SPATS2: variants seen among roughly 807,000 people sequenced by gnomAD.
SPATS2 encodes spermatogenesis associated serine rich 2.
A neutral mutation model predicts 63.7 loss-of-function variants in SPATS2; 38 were observed. The ratio of observed to expected loss-of-function variants is 0.60; its 90% confidence interval spans 0.46 to 0.78. The LOEUF is 0.78. Ranked by LOEUF, SPATS2 falls within the 30% of genes least tolerant of loss-of-function variation. The pLI, the probability that SPATS2 is intolerant of heterozygous loss-of-function variation, is 0.00. For missense variants in SPATS2, 588 were observed against 666.2 expected (o/e 0.88, Z 1.29); for synonymous variants, 207 against 232.9 (o/e 0.89, Z 1.01).
chr12:49,497,255 TCTA>T (rs555250189), intron 8 of SPATS2, among the ~76,000 whole-genome samples: 17 of 152,206 alleles, frequency 1.1e-4, no homozygotes, highest in Non-Finnish European at 2.2e-4. Flanking sequence ...AAAGTCAAAC[TCTA>T]CTGCCAGAAT....
At position 49,455,063 on chromosome 12, in the gene SPATS2, G is replaced by GGTCT. The variant is rs1945695189; in HGVS notation, c.-243-5705_-243-5702dup. 2.0e-5 allele frequency among the ~76,000 whole-genome samples: 3 copies of GGTCT among 151,552 alleles called. No homozygotes were observed. The South Asian group carries it at 6.3e-4, about 32-fold the overall frequency. ...GTTGATACGATTTCATAAACTAAAGGGTCTGCTCAGTTTTTACCGTTTTTG... is the reference window on the plus strand; with the variant it reads ...GTTGATACGATTTCATAAACTAAAGGGTCTGTCTGCTCAGTTTTTACCGTTTTTG... On this transcript the variant is annotated intron_variant, in intron 2 of 13. Coordinates refer to ENST00000552918, the MANE Select transcript of SPATS2 (RefSeq NM_023071.4).
chr12:49,378,873 G>A lies in SPATS2; in HGVS notation c.-244+7583G>A, dbSNP rs186651519. On this transcript the variant is annotated intron_variant, in intron 2 of 13. Coordinates refer to ENST00000552918, the MANE Select transcript of SPATS2 (RefSeq NM_023071.4). ...GCCTCCCAAAGTGCTGGGATTATAG[G>A]CATGAGCCTCTGTGCCCATCAGATT... 7.8e-4 allele frequency among the ~76,000 whole-genome samples: 119 copies of A among 152,156 alleles called. 1 individual carries two copies. Among genetic ancestry groups the A allele is most frequent in the Admixed American group, 3.4e-3 (52 of 15,278 alleles).
intron 2 of SPATS2, among the ~76,000 whole-genome samples, chr12:49,432,153 T>C (rs565623315): frequency 6.6e-6 from 1 of 152,266 alleles, no homozygotes; most frequent in South Asian, 2.1e-4. Flanking sequence ...TTTGTCATCA[T>C]TTTGGATTTT....
chr12:49,491,903 T>C (rs1170100174), intron 6 of SPATS2, among the ~76,000 whole-genome samples: 2 of 152,252 alleles, frequency 1.3e-5, no homozygotes, highest in East Asian at 3.8e-4. Flanking sequence ...GTATGGATTT[T>C]AATCAAGTAT....
intron 2 of SPATS2, among the ~76,000 whole-genome samples, chr12:49,436,131 A>C (rs1352116414): frequency 6.6e-6 from 1 of 151,916 alleles, no homozygotes; most frequent in African/African-American, 2.4e-5. Flanking sequence ...CATTGTCATC[A>C]TGGCCCGTTC....
chr12:49,462,619 G>A (rs28450055), intron 3 of SPATS2: 82,224 of 594,934 alleles, frequency 0.14, 7,828 homozygotes, highest in African/African-American at 0.37. Context: ...GAGGTCACAC[G>A]AATGAATTGA....
intron 1 of SPATS2, among the ~76,000 whole-genome samples, chr12:49,368,457 C>G (rs1029415756): frequency 9.2e-5 from 14 of 152,126 alleles, no homozygotes; most frequent in Non-Finnish European, 1.8e-4. Flanking sequence ...TTGGAGAGAA[C>G]CAAAAGCTTG....
At chr12:49,516,149 AAAAAAAAAAAAAAAAAAATATAT>A (rs1946836365) in intron 10 of SPATS2, among the ~76,000 whole-genome samples, 2 of 33,514 alleles carry the variant, frequency 6.0e-5, no homozygotes, top group African/African-American at 1.6e-4. Context: ...AAAAAAAAAA[AAAAAAAAAAAAAAAAAAATATAT>A]ATATATATAT....
chr12:49,410,623 T>C (rs1272712972), intron 2 of SPATS2, among the ~76,000 whole-genome samples: 2 of 152,214 alleles, frequency 1.3e-5, no homozygotes, highest in African/African-American at 4.8e-5. Flanking sequence ...TGATAGACTG[T>C]AACTAGAGTG....
At chr12:49,436,567 C>T (rs1263452619) in intron 2 of SPATS2, among the ~76,000 whole-genome samples, 2 of 124,250 alleles carry the variant, frequency 1.6e-5, no homozygotes, top group African/African-American at 2.9e-5. Flanking sequence ...GCTGACCTCC[C>T]CACCTCCCTC....
chr12:49,505,642 A>C (rs1946643235), intron 9 of SPATS2, among the ~76,000 whole-genome samples: 1 of 152,176 alleles, frequency 6.6e-6, no homozygotes, highest in African/African-American at 2.4e-5. Context: ...TAACATATGA[A>C]GAATATTTTA....
chr12:49,479,895 A>G (rs1946177780), intron 3 of SPATS2, among the ~76,000 whole-genome samples: 1 of 152,246 alleles, frequency 6.6e-6, no homozygotes, highest in Non-Finnish European at 1.5e-5. Context: ...AATGTAAAGC[A>G]TAAAACCTGG....
intron 11 of SPATS2, among the ~76,000 whole-genome samples, chr12:49,522,472 T>C (rs1342414032): frequency 6.6e-6 from 1 of 152,222 alleles, no homozygotes; most frequent in Non-Finnish European, 1.5e-5. Context: ...CTACTATAAA[T>C]TCTTCCTCCT....
chr12:49,402,663 G>T (rs1944626815), intron 2 of SPATS2, among the ~76,000 whole-genome samples: 1 of 152,096 alleles, frequency 6.6e-6, no homozygotes, highest in Non-Finnish European at 1.5e-5. Context: ...AGTGAACCAG[G>T]AACTAAAGTC....
At chr12:49,519,883 C>T (rs1423788827) in intron 11 of SPATS2, among the ~76,000 whole-genome samples, 2 of 150,982 alleles carry the variant, frequency 1.3e-5, no homozygotes. Flanking sequence ...CGTGCCATCT[C>T]GGTTCACTGC....
intron 2 of SPATS2, among the ~76,000 whole-genome samples, chr12:49,407,130 A>G (rs1356571956): frequency 6.6e-6 from 1 of 152,228 alleles, no homozygotes; most frequent in African/African-American, 2.4e-5. Context: ...ATCTTGTTTT[A>G]CTTTGAGAAT....
intron 2 of SPATS2, chr12:49,406,615 T>C (rs1944701881): frequency 6.6e-6 from 1 of 152,298 alleles, no homozygotes; most frequent in Non-Finnish European, 1.5e-5. Flanking sequence ...TTATGCTTTC[T>C]TTTCTGTTTA....
At chr12:49,462,105 G>GT (rs1212410884) in intron 3 of SPATS2, among the ~76,000 whole-genome samples, 1 of 152,120 alleles carries the variant, frequency 6.6e-6, no homozygotes, top group Non-Finnish European at 1.5e-5. Flanking sequence ...CAAAAAAAAA[G>GT]TTAACTTCAG....
At chr12:49,406,822 G>GTTTC (rs1300188596) in intron 2 of SPATS2, among the ~76,000 whole-genome samples, 1 of 151,982 alleles carries the variant, frequency 6.6e-6, no homozygotes, top group Non-Finnish European at 1.5e-5. Flanking sequence ...TGTGAATGAA[G>GTTTC]TGAAAGTGAG....
Sources: gnomAD v4.1 joint callset for allele counts (sites outside exome capture counted in the v4.1 genomes callset) on GRCh38, gnomAD v4.1.1 for gene constraint, MANE v1.5 for transcripts, NCBI Gene and HGNC (gene_info 2026-07-23, HGNC 2026-07-21) for gene names.